Variants in MSANTD5 observed in about 807,000 individuals in gnomAD.
MSANTD5 encodes the protein Myb/SANT DNA binding domain containing 5, also known as uncharacterized protein MSANTD5.
chr5:178,705,017 G>C, the MSANTD5 span, among the ~76,000 whole-genome samples: 5 of 152,110 alleles, frequency 3.3e-5, no homozygotes, highest in Non-Finnish European at 7.3e-5. Context: ...GACTTGCAGT[G>C]GGTGCTGGGT....
At chr5:178,705,874 G>A in the MSANTD5 span, among the ~76,000 whole-genome samples, 133 of 152,188 alleles carry the variant, frequency 8.7e-4, no homozygotes, top group Middle Eastern at 0.01. Context: ...GGGGAAAGGC[G>A]TGAACCCGGG....
chr5:178,707,407 T>C, the MSANTD5 span, among the ~76,000 whole-genome samples: 9 of 151,940 alleles, frequency 5.9e-5, no homozygotes, highest in Middle Eastern at 6.8e-3. Context: ...GGCTTTGCTT[T>C]AATTTTGAAT....
downstream of MSANTD5, among the ~76,000 whole-genome samples, chr5:178,691,736 T>C (rs1765359266): frequency 3.7e-5 from 5 of 136,492 alleles, 1 homozygote; most frequent in African/African-American, 1.0e-4. Context: ...GCCAAAACCA[T>C]GAAGAGCCAT....
At chr5:178,705,912 A>C in the MSANTD5 span, among the ~76,000 whole-genome samples, 1 of 151,816 alleles carries the variant, frequency 6.6e-6, no homozygotes, top group South Asian at 2.1e-4. Context: ...AGCCGAGATC[A>C]CACCACTGCA....
intron 1 of MSANTD5, among the ~76,000 whole-genome samples, chr5:178,696,852 G>A (rs1765417967): frequency 6.6e-6 from 1 of 152,000 alleles, no homozygotes; most frequent in African/African-American, 2.4e-5. Flanking sequence ...GAAGTCCCCT[G>A]TCCAAGCAGA....
At chr5:178,695,369 T>C (rs1461814982) in exon 3 of MSANTD5, 1 of 152,246 alleles carries the variant, frequency 6.6e-6, no homozygotes, top group African/African-American at 2.4e-5. Flanking sequence ...GTTGGCACCT[T>C]GGCCTCTGGT....
chr5:178,694,726 C>G (rs1765392637), exon 4 of MSANTD5: 1 of 152,170 alleles, frequency 6.6e-6, no homozygotes, highest in South Asian at 2.1e-4. Context: ...GTAGAGATGG[C>G]CCACTGTGTC....
the MSANTD5 span, among the ~76,000 whole-genome samples, chr5:178,704,941 G>T: frequency 6.6e-6 from 1 of 152,186 alleles, no homozygotes; most frequent in Non-Finnish European, 1.5e-5. Context: ...AGTGACCATC[G>T]CTGTGCCGGA....
chr5:178,693,458 C>T (rs967856465), downstream of MSANTD5, among the ~76,000 whole-genome samples: 8 of 151,954 alleles, frequency 5.3e-5, no homozygotes, highest in African/African-American at 7.3e-5. Context: ...CAGATATGTC[C>T]GGAGTTTCTG....
At chr5:178,699,620 A>T (rs1178904253), upstream of MSANTD5, among the ~76,000 whole-genome samples, 2 of 152,150 alleles carry the variant, frequency 1.3e-5, no homozygotes, top group Non-Finnish European at 2.9e-5. Context: ...CATGTTGGCT[A>T]GGCTGGTCTT....
At chr5:178,692,910 G>A (rs1765371575), downstream of MSANTD5, among the ~76,000 whole-genome samples, 3 of 151,864 alleles carry the variant, frequency 2.0e-5, no homozygotes, top group South Asian at 4.1e-4. Context: ...GTTACAGCTG[G>A]GGGGACCCGG....
the MSANTD5 span, among the ~76,000 whole-genome samples, chr5:178,704,888 A>G: frequency 6.6e-6 from 1 of 152,130 alleles, no homozygotes; most frequent in Non-Finnish European, 1.5e-5. Context: ...AGGGGATGAG[A>G]CTGGAGAGTG....
chr5:178,703,303 A>G, the MSANTD5 span, among the ~76,000 whole-genome samples: 4 of 152,216 alleles, frequency 2.6e-5, no homozygotes, highest in Non-Finnish European at 5.9e-5. Flanking sequence ...CCTGCTCCAC[A>G]GTGTGATGCG....
At chr5:178,698,047 T>G (rs2113855217), upstream of MSANTD5, among the ~76,000 whole-genome samples, 1 of 152,284 alleles carries the variant, frequency 6.6e-6, no homozygotes, top group South Asian at 2.1e-4. Context: ...GAGTTCGTGC[T>G]GAATGGTCAG....
upstream of MSANTD5, among the ~76,000 whole-genome samples, chr5:178,702,497 C>T (rs1765499809): frequency 6.6e-6 from 1 of 151,854 alleles, no homozygotes; most frequent in South Asian, 2.1e-4. Context: ...GACGGGCTTT[C>T]ACCATATTGG....
chr5:178,693,135 C>A (rs1765373751), downstream of MSANTD5, among the ~76,000 whole-genome samples: 1 of 151,832 alleles, frequency 6.6e-6, no homozygotes, highest in African/African-American at 2.4e-5. Context: ...CATAGAGAAA[C>A]CCCGTCTCTA....
the MSANTD5 span, among the ~76,000 whole-genome samples, chr5:178,704,401 C>A: frequency 6.6e-6 from 1 of 152,140 alleles, no homozygotes; most frequent in East Asian, 1.9e-4. Context: ...GAGCTTGATT[C>A]CCCCTTCACC....
chr5:178,693,915 C>T (rs1765382624), downstream of MSANTD5, among the ~76,000 whole-genome samples: 1 of 152,042 alleles, frequency 6.6e-6, no homozygotes, highest in African/African-American at 2.4e-5. Flanking sequence ...GAAAAATGAA[C>T]TTAACACACA....
chr5:178,702,819 G>C, the MSANTD5 span, among the ~76,000 whole-genome samples: 31 of 152,112 alleles, frequency 2.0e-4, no homozygotes, highest in African/African-American at 7.5e-4. Context: ...GGCTGGTCTC[G>C]AACTCCTGAC....
Sources: allele counts gnomAD v4.1 joint callset (sites outside exome capture counted in the v4.1 genomes callset), GRCh38; gene constraint gnomAD v4.1.1; transcripts MANE v1.5; gene names NCBI Gene and HGNC (gene_info 2026-07-23, HGNC 2026-07-21).